Variants in KBTBD3 observed in about 807,000 individuals in gnomAD.
The protein encoded by KBTBD3 is kelch repeat and BTB domain containing 3.
Under a neutral mutation model 49.6 loss-of-function variants are expected in KBTBD3, and 38 were observed. The observed-to-expected ratio is 0.77, with a 90% confidence interval of 0.59 to 1.00. KBTBD3 has a LOEUF of 1.00. KBTBD3 is among the 50% of genes least tolerant of loss of function. KBTBD3 has a pLI of 0.00. For missense variants in KBTBD3, 661 were observed against 712.0 expected (o/e 0.93, Z 0.81); for synonymous variants, 214 against 250.4 (o/e 0.85, Z 1.37).
rs1860447913 is a variant in KBTBD3 at position 106,052,830 on chromosome 11, C to T, written c.*20G>A. On this transcript the variant is annotated 3_prime_UTR_variant, in exon 4 of 4. Coordinates refer to ENST00000531837, the MANE Select transcript of KBTBD3 (RefSeq NM_198439.3). ...ACAAATTTACTTTAGGTTACTAGAA[C>T]TGGACTCGTTTTAGAATGTTCAAGC... The T allele has an allele frequency of 6.3e-7, 1 of 1,579,914 alleles. No homozygotes were observed. The highest frequency in any genetic ancestry group is 8.6e-7 in the Non-Finnish European group (1 of 1,162,810).
In KBTBD3 at chr11:106,052,565, C is replaced by A. The variant is rs1380605542; in HGVS notation, c.*285G>T. ...CTAAACAGTACAAATCTTTTATGGA[C>A]AGAGTACTTTAAAAATCAAAGTGTC... On this transcript the variant is annotated 3_prime_UTR_variant, in exon 4 of 4. Coordinates refer to ENST00000531837, the MANE Select transcript of KBTBD3 (RefSeq NM_198439.3). The A allele has an allele frequency of 1.3e-5, 4 of 301,586 alleles. No individual in the cohort carries two copies. Among genetic ancestry groups the A allele is most frequent in the Non-Finnish European group, 2.5e-5 (4 of 163,158 alleles). The allele number at this position is 301,586 out of a possible 1,614,324, so 18.7% of individuals were successfully genotyped here.
intron 3 of KBTBD3, 97 bp from the exon 4 acceptor site, chr11:106,054,552 A>G (rs980829729): frequency 2.5e-6 from 2 of 802,524 alleles, no homozygotes; most frequent in Non-Finnish European, 3.4e-6. Context: ...CTTGACTTAA[A>G]TATATTTATA....
At chr11:106,070,713 CT>C (rs1180158473) in intron 2 of KBTBD3, among the ~76,000 whole-genome samples, 1 of 152,094 alleles carries the variant, frequency 6.6e-6, no homozygotes, top group Non-Finnish European at 1.5e-5. Context: ...AATCATGCTG[CT>C]GACCATTAGA....
chr11:106,053,789 G>A lies in KBTBD3; in HGVS notation c.900C>T (p.His300=), dbSNP rs1565400585. 6.2e-7 allele frequency: 1 copy of A among 1,613,800 alleles called. No individual in the cohort carries two copies. The highest frequency in any genetic ancestry group is 1.7e-5 in the Admixed American group (1 of 59,976). ...PSTTEKYIFI[H]KTEENGENQY... ...GATTTTCTCCATTTTCCTCAGTTTT[G>A]TGAATGAATATGTATTTCTCAGTTG... The change falls in exon 4 of 4, where the codon CAC becomes CAT. Residue 300 remains histidine (H), a synonymous_variant. Coordinates refer to ENST00000531837, the MANE Select transcript of KBTBD3 (RefSeq NM_198439.3).
intron 2 of KBTBD3, among the ~76,000 whole-genome samples, chr11:106,068,757 C>T (rs928193548): frequency 3.9e-5 from 6 of 152,066 alleles, no homozygotes; most frequent in Non-Finnish European, 7.4e-5. Flanking sequence ...AAACCAAAAT[C>T]CCACACTATG....
At chr11:106,073,070 T>C (rs1239800851) in intron 2 of KBTBD3, among the ~76,000 whole-genome samples, 1 of 152,086 alleles carries the variant, frequency 6.6e-6, no homozygotes, top group Non-Finnish European at 1.5e-5. Flanking sequence ...ACAGTGCTTA[T>C]AATGTGCCAT....
intron 2 of KBTBD3, among the ~76,000 whole-genome samples, chr11:106,075,010 T>C (rs1861000741): frequency 1.3e-5 from 2 of 152,206 alleles, no homozygotes; most frequent in Non-Finnish European, 2.9e-5. Context: ...GATGATCTCA[T>C]CCGATGCCTT....
In KBTBD3 at chr11:106,054,465, TAAAG is replaced by T; in HGVS notation, c.234-14_234-11del. 2 of 1,490,372 alleles carry T rather than the reference TAAAG, an allele frequency of 1.3e-6. No individual in the cohort carries two copies. The highest frequency in any genetic ancestry group is 1.8e-6 in the Non-Finnish European group (2 of 1,118,636). The allele number at this position is 1,490,372 out of a possible 1,614,324, so 92.3% of individuals were successfully genotyped here. A position where few individuals can be genotyped will look rare whatever the true frequency, so the allele number is the denominator to read the frequency against. On this transcript the variant is annotated splice_polypyrimidine_tract_variant and intron_variant, in intron 3 of 3. Transcript: ENST00000531837. ...TACTTCAAACATAGCCCTGCAAAAA[TAAAG>T]AACACAGAAAAACAGCAAGAATATT...
At chr11:106,060,178 ATATT>A (rs1860658080) in intron 2 of KBTBD3, among the ~76,000 whole-genome samples, 1 of 151,566 alleles carries the variant, frequency 6.6e-6, no homozygotes, top group Admixed American at 6.6e-5. Flanking sequence ...GAACACTTAA[ATATT>A]TATTGATTCA....
chr11:106,056,439 A>G (rs1860554771), intron 3 of KBTBD3, among the ~76,000 whole-genome samples: 1 of 152,224 alleles, frequency 6.6e-6, no homozygotes, highest in African/African-American at 2.4e-5. Flanking sequence ...AGCATCAAGA[A>G]GAGTGCAGGT....
rs1462694519 is a variant in KBTBD3 at position 106,052,770 on chromosome 11, A to G, written c.*80T>C. On this transcript the variant is annotated 3_prime_UTR_variant, in exon 4 of 4. Coordinates refer to ENST00000531837, the MANE Select transcript of KBTBD3 (RefSeq NM_198439.3). The stretch of plus-strand genomic sequence containing the variant: ...AAAGCAGGAATGTTTTATTTCATTA[A>G]GATGTATAGATCTTTTTACCTATCA... 2 of 1,064,838 alleles carry G rather than the reference A, an allele frequency of 1.9e-6. No homozygotes were observed. Among genetic ancestry groups the G allele is most frequent in the Non-Finnish European group, 2.7e-6 (2 of 727,830 alleles). 66.0% of individuals were successfully genotyped at this position (1,064,838 alleles called of 1,614,324 possible).
At chr11:106,061,259 A>G (rs1860689049) in intron 2 of KBTBD3, among the ~76,000 whole-genome samples, 1 of 152,210 alleles carries the variant, frequency 6.6e-6, no homozygotes, top group South Asian at 2.1e-4. Flanking sequence ...GTCCTACAGC[A>G]TCAATTAAGG....
At chr11:106,065,247 C>A (rs927420269) in intron 2 of KBTBD3, among the ~76,000 whole-genome samples, 1 of 152,164 alleles carries the variant, frequency 6.6e-6, no homozygotes, top group Non-Finnish European at 1.5e-5. Flanking sequence ...ACCTCGTGAT[C>A]CGCCCACCTT....
In KBTBD3 at chr11:106,053,426, G is replaced by A. The variant is rs929635552; in HGVS notation, c.1263C>T (p.Leu421=). 7.4e-6 allele frequency: 12 copies of A among 1,613,402 alleles called. No individual in the cohort carries two copies. The African/African-American group carries it at 1.5e-4, about 20-fold the overall frequency. Residue 421 remains leucine, a synonymous_variant, in exon 4 of 4, where the codon CTC becomes CTT. Transcript: ENST00000531837. ...GAGGATTGTAAGATTCAACATCTAA[G>A]AGACTTTTAATGTCCCGGGATCCTC... ...KTRGSRDIKS[L]LDVESYNPLS...
chr11:106,077,292 A>C lies in KBTBD3; in HGVS notation c.-214+20T>G, dbSNP rs918036136. ...AGGGCTACCATCCCACTCCTCCCTCAGACCCCGGAGCTCACCCACCTGCAA... is the reference window on the plus strand; with the variant it reads ...AGGGCTACCATCCCACTCCTCCCTCCGACCCCGGAGCTCACCCACCTGCAA... On this transcript the variant is annotated intron_variant, in intron 1 of 3. Transcript: ENST00000531837. The C allele has an allele frequency of 9.6e-5, 18 of 187,298 alleles. No homozygotes were observed. The highest frequency in any genetic ancestry group is 1.9e-4 in the African/African-American group (8 of 42,112). The allele number at this position is 187,298 out of a possible 1,614,324, so 11.6% of individuals were successfully genotyped here.
chr11:106,065,645 T>C (rs897665138), intron 2 of KBTBD3, among the ~76,000 whole-genome samples: 3 of 152,064 alleles, frequency 2.0e-5, no homozygotes, highest in African/African-American at 7.2e-5. Context: ...ATGGGCACAA[T>C]TTATAGACAT....
At chr11:106,076,161 TCACTTACGTATCTTTA>T (rs1861024758) in intron 2 of KBTBD3, 1 of 152,246 alleles carries the variant, frequency 6.6e-6, no homozygotes, top group Admixed American at 6.5e-5. Context: ...GGTATTAGTA[TCACTTACGTATCTTTA>T]CACTGTCTCT....
intron 3 of KBTBD3, among the ~76,000 whole-genome samples, chr11:106,056,143 TTGAG>T (rs1304653860): frequency 1.3e-5 from 2 of 152,154 alleles, no homozygotes; most frequent in Non-Finnish European, 2.9e-5. Context: ...CAGTATTCCA[TTGAG>T]TGAGTTTGAT....
chr11:106,074,685 C>CTCAGGCAGGCTA (rs1367283616), intron 2 of KBTBD3, among the ~76,000 whole-genome samples: 1 of 152,158 alleles, frequency 6.6e-6, no homozygotes, highest in Non-Finnish European at 1.5e-5. Flanking sequence ...GCTCCCCTTT[C>CTCAGGCAGGCTA]TCAGGCAGGC....
Sources: allele counts gnomAD v4.1 joint callset (sites outside exome capture counted in the v4.1 genomes callset), GRCh38; gene constraint gnomAD v4.1.1; transcripts MANE v1.5; gene names NCBI Gene and HGNC (gene_info 2026-07-23, HGNC 2026-07-21).